Variants in CDH2 observed in about 807,000 individuals in gnomAD.
The protein encoded by CDH2 is cadherin-2.
In CDH2, 17 loss-of-function variants were observed where a neutral mutation model predicts 92.0. The ratio of observed to expected loss-of-function variants is 0.18; its 90% CI spans 0.13 to 0.28. The LOEUF is 0.28. Among genes scored for constraint, CDH2 ranks in the 10% least tolerant of loss-of-function variants. The pLI is 1.00. For synonymous variants in CDH2, 419 were observed against 415.9 expected (o/e 1.01, Z -0.09); for missense variants, 862 against 1,133.1 (o/e 0.76, Z 3.44).
intron 1 of CDH2, among the ~76,000 whole-genome samples, chr18:28,176,213 G>A (rs1046445702): frequency 6.6e-6 from 1 of 152,210 alleles, no homozygotes; most frequent in Non-Finnish European, 1.5e-5. Flanking sequence ...CGCATATAGG[G>A]CACAGGCAGC....
rs532654782 is a variant in CDH2 at position 28,105,677 on chromosome 18, C to A, written c.172+41996G>T. ...AACCTTTCTCACACACCTCTAATTT[C>A]TGGGTCATGGACCTTAAACTCAAAA... On this transcript the variant is annotated intron_variant, in intron 2 of 15. Coordinates refer to ENST00000269141, the MANE Select transcript of CDH2 (RefSeq NM_001792.5). Among the ~76,000 whole-genome samples, 10 of 152,284 alleles carry A rather than the reference C, an allele frequency of 6.6e-5. No individual in the cohort carries two copies. In the South Asian group the frequency reaches 1.5e-3, roughly 22 times the overall value.
chr18:28,149,770 ATTACT>A (rs1390591608), intron 1 of CDH2, among the ~76,000 whole-genome samples: 1 of 152,214 alleles, frequency 6.6e-6, no homozygotes, highest in African/African-American at 2.4e-5. Flanking sequence ...ATCTGTAATA[ATTACT>A]TTCTTTCAAA....
At chr18:28,103,534 G>A (rs1209680493) in intron 2 of CDH2, among the ~76,000 whole-genome samples, 1 of 150,266 alleles carries the variant, frequency 6.7e-6, no homozygotes, top group Non-Finnish European at 1.5e-5. Flanking sequence ...TTAAGTTCTG[G>A]GATACACTGC....
At chr18:28,120,063 T>C (rs183043297) in intron 2 of CDH2, among the ~76,000 whole-genome samples, 140 of 152,186 alleles carry the variant, frequency 9.2e-4, no homozygotes, top group Non-Finnish European at 5.4e-4. Context: ...GTCTTCCTTG[T>C]TTAAGTTATT....
intron 1 of CDH2, among the ~76,000 whole-genome samples, chr18:28,153,084 G>A (rs1232359256): frequency 1.3e-5 from 2 of 152,176 alleles, no homozygotes; most frequent in Admixed American, 6.5e-5. Context: ...AAATCTGTCC[G>A]TGGAAGTCAA....
At chr18:28,096,415 T>TG (rs1216618092) in intron 2 of CDH2, among the ~76,000 whole-genome samples, 2 of 151,922 alleles carry the variant, frequency 1.3e-5, no homozygotes, top group Non-Finnish European at 2.9e-5. Flanking sequence ...TTCTTTTTTT[T>TG]TTTTTTTAAC....
chr18:28,056,999 C>T (rs565787631), intron 2 of CDH2, among the ~76,000 whole-genome samples: 31 of 152,208 alleles, frequency 2.0e-4, no homozygotes, highest in African/African-American at 6.7e-4. Flanking sequence ...ACAGAAATAA[C>T]CAAATTTCCT....
At chr18:28,048,554 G>T (rs1029353608) in intron 2 of CDH2, among the ~76,000 whole-genome samples, 18 of 152,174 alleles carry the variant, frequency 1.2e-4, no homozygotes, top group Non-Finnish European at 2.1e-4. Flanking sequence ...CATACAAAGT[G>T]GGCACGGAGA....
At chr18:27,986,970 C>T (rs140917501) in intron 11 of CDH2, among the ~76,000 whole-genome samples, 148 of 152,288 alleles carry the variant, frequency 9.7e-4, no homozygotes, top group African/African-American at 3.2e-3. Context: ...TAATCATTAA[C>T]GAACAGAGCT....
chr18:28,174,038 T>C (rs934862974), intron 1 of CDH2, among the ~76,000 whole-genome samples: 1 of 152,158 alleles, frequency 6.6e-6, no homozygotes, highest in Non-Finnish European at 1.5e-5. Context: ...ACTAGAATTA[T>C]GTAAATCTAC....
At position 28,176,985 on chromosome 18, in the gene CDH2, G is replaced by T; in HGVS notation, c.38C>A (p.Pro13Gln). 1.4e-6 allele frequency: 2 copies of T among 1,452,380 alleles called. No homozygotes were observed. The highest frequency in any genetic ancestry group is 2.7e-5 in the South Asian group (2 of 75,242). 90.0% of individuals were successfully genotyped at this position (1,452,380 alleles called of 1,614,324 possible). The change falls in exon 1 of 16, where the codon CCG (proline) becomes CAG (glutamine). Residue 13 changes from proline (P) to glutamine (Q), a missense_variant. Pro to Gln is a moderately conservative substitution (Grantham distance 76, BLOSUM62 -1). Coordinates refer to ENST00000269141, the MANE Select transcript of CDH2 (RefSeq NM_001792.5). Reference sequence around the variant, plus strand: ...TACCTGAAGCAGGGCCGCCAGCAGCGGCAGCAGGGTCCGCAGCGCTCCCGC... The same window carrying T: ...TACCTGAAGCAGGGCCGCCAGCAGCTGCAGCAGGGTCCGCAGCGCTCCCGC... The part of the protein sequence containing the change: ...RIAGALRTLL[P>Q]LLAALLQASV...
rs574073931 is a variant in CDH2 at position 28,009,230 on chromosome 18, T to C, written c.702+487A>G. Among the ~76,000 whole-genome samples the C allele has an allele frequency of 2.6e-5, 4 of 152,154 alleles. No individual in the cohort carries two copies. The East Asian group carries it at 7.7e-4, about 29-fold the overall frequency. On this transcript the variant is annotated intron_variant, in intron 5 of 15. Transcript: ENST00000269141. The stretch of plus-strand genomic sequence containing the variant: ...GTTAGAAATAAACAAAAGGAGAAAA[T>C]GTAGGACAAACCAAGCACTAACATT...
chr18:27,969,409 T>C (rs2011604386), intron 14 of CDH2, among the ~76,000 whole-genome samples: 1 of 152,224 alleles, frequency 6.6e-6, no homozygotes, highest in Non-Finnish European at 1.5e-5. Flanking sequence ...ACATGTCAGT[T>C]TCCTTTAACA....
At chr18:28,155,480 A>C (rs17536717) in intron 1 of CDH2, among the ~76,000 whole-genome samples, 1 of 152,204 alleles carries the variant, frequency 6.6e-6, no homozygotes, top group Non-Finnish European at 1.5e-5. Flanking sequence ...AATACCGTAA[A>C]GAAATCAAGC....
chr18:27,963,947 C>A (rs1317863765), intron 14 of CDH2, among the ~76,000 whole-genome samples: 1 of 133,938 alleles, frequency 7.5e-6, no homozygotes, highest in Non-Finnish European at 1.8e-5. Context: ...TTCAAGCCAC[C>A]CTTCTTCCTT....
chr18:27,985,824 G>C, intron 11 of CDH2, 63 bp from the exon 12 acceptor site: 1 of 964,448 alleles, frequency 1.0e-6, no homozygotes, highest in Non-Finnish European at 1.6e-6. Context: ...CTCAATTATG[G>C]TGAAATTCTC....
At chr18:28,074,693 T>C (rs1470890360) in intron 2 of CDH2, among the ~76,000 whole-genome samples, 1 of 90,376 alleles carries the variant, frequency 1.1e-5, no homozygotes, top group African/African-American at 5.4e-5. Flanking sequence ...AGGAGGCCCT[T>C]TTTTTTTTTT....
At chr18:28,140,630 T>G (rs2015936739) in intron 2 of CDH2, among the ~76,000 whole-genome samples, 1 of 151,870 alleles carries the variant, frequency 6.6e-6, no homozygotes, top group African/African-American at 2.4e-5. Context: ...TGCAAGCACT[T>G]TGATCTTGGA....
At position 28,051,693 on chromosome 18, in the gene CDH2, T is replaced by C. The variant is rs994352075; in HGVS notation, c.173-37784A>G. On this transcript the variant is annotated intron_variant, in intron 2 of 15. Coordinates refer to ENST00000269141, the MANE Select transcript of CDH2 (RefSeq NM_001792.5). Reference sequence around the variant, plus strand: ...CTTGCCCTGGAGTGTTTATGAGTAGTTTTCCAACCTACATCCTATAAGGAC... The same window carrying C: ...CTTGCCCTGGAGTGTTTATGAGTAGCTTTCCAACCTACATCCTATAAGGAC... Among the ~76,000 whole-genome samples, 9 of 152,238 alleles carry C rather than the reference T, an allele frequency of 5.9e-5. 1 individual carries two copies. In the South Asian group the frequency reaches 1.7e-3, roughly 28 times the overall value.
Sources: gnomAD v4.1 joint callset for allele counts (sites outside exome capture counted in the v4.1 genomes callset) on GRCh38, gnomAD v4.1.1 for gene constraint, MANE v1.5 for transcripts, NCBI Gene and HGNC (gene_info 2026-07-23, HGNC 2026-07-21) for gene names.